SH3GL3: variants seen among roughly 807,000 people sequenced by gnomAD.
The protein encoded by SH3GL3 is endophilin-A3.
Under a neutral mutation model 47.7 loss-of-function variants are expected in SH3GL3, and 33 were observed. That is an observed-to-expected ratio of 0.69 (90% CI 0.52 to 0.92). The LOEUF (loss-of-function observed/expected upper bound fraction) is 0.92. SH3GL3 is among the 40% of genes least tolerant of loss of function. The pLI is 0.00. For synonymous variants in SH3GL3, 155 were observed against 148.8 expected, an observed-to-expected ratio of 1.04 and a Z score of -0.30; for missense variants, 363 against 417.8, an observed-to-expected ratio of 0.87 and a Z score of 1.14.
chr15:83,542,054 C>T (rs2044192440), intron 1 of SH3GL3, among the ~76,000 whole-genome samples: 1 of 152,162 alleles, frequency 6.6e-6, no homozygotes, highest in Non-Finnish European at 1.5e-5. Context: ...AAATCAGTGT[C>T]CTGGAGAGTT....
chr15:83,447,630 C>A lies in SH3GL3; in HGVS notation c.45+52C>A, dbSNP rs1028118717. ...GGGAGGGGGACGCGGAGGCTGCGGC[C>A]CCCCGAGGCTCCCGGGCCTTTGGGA... On this transcript the variant is annotated intron_variant, in intron 1 of 8. Transcript: ENST00000427482. The surrounding 1 kb of genome is among the most constrained non-coding windows in gnomAD (Gnocchi z 5.1). 22 of 1,337,676 alleles carry A rather than the reference C, an allele frequency of 1.6e-5. No individual in the cohort carries two copies. Among genetic ancestry groups the A allele is most frequent in the Non-Finnish European group, 2.0e-5 (20 of 991,990 alleles). The allele number at this position is 1,337,676 out of a possible 1,614,324, so 82.9% of individuals were successfully genotyped here. A position where few individuals can be genotyped will look rare whatever the true frequency, so the allele number is the denominator to read the frequency against.
At chr15:83,617,792 G>A (rs77203805) in intron 8 of SH3GL3, among the ~76,000 whole-genome samples, 14,041 of 152,242 alleles carry the variant, frequency 0.092, 877 homozygotes, top group East Asian at 0.21. Context: ...GCTCCCTTAG[G>A]GCTCCAGGTG....
chr15:83,551,341 C>T (rs1273519860), intron 1 of SH3GL3, among the ~76,000 whole-genome samples: 1 of 152,036 alleles, frequency 6.6e-6, no homozygotes, highest in Non-Finnish European at 1.5e-5. Context: ...GAGTAGCCAC[C>T]CATTTGTATT....
Position 83,568,563 on chromosome 15 carries a change from G to A in SH3GL3, c.222G>A (p.Val74=). The A allele has an allele frequency of 6.2e-7, 1 of 1,613,592 alleles. No individual in the cohort carries two copies. Among genetic ancestry groups the A allele is most frequent in the Non-Finnish European group, 8.5e-7 (1 of 1,179,516 alleles). ...CTAAGCTAGGAATGCTGAACACTGT[G>A]TCGAAGATCCGAGGGCAGGTGAAGA... ...YRAKLGMLNT[V]SKIRGQVKTT... The change falls in exon 4 of 9, where the codon GTG becomes GTA. Residue 74 remains valine (V), a synonymous_variant. Transcript: ENST00000427482.
At chr15:83,620,277 A>C (rs1223429750), downstream of SH3GL3, among the ~76,000 whole-genome samples, 1 of 152,196 alleles carries the variant, frequency 6.6e-6, no homozygotes, top group Non-Finnish European at 1.5e-5. Flanking sequence ...TCCTCCCATG[A>C]ATCACAAATG....
chr15:83,504,144 C>T (rs1015397633), intron 1 of SH3GL3, among the ~76,000 whole-genome samples: 7 of 152,100 alleles, frequency 4.6e-5, no homozygotes, highest in South Asian at 2.1e-4. Context: ...TTTCTTTTTA[C>T]GTTTTTATTG....
At chr15:83,616,870 A>C (rs1451795090) in intron 8 of SH3GL3, among the ~76,000 whole-genome samples, 1 of 152,148 alleles carries the variant, frequency 6.6e-6, no homozygotes, top group African/African-American at 2.4e-5. Flanking sequence ...GAAAAGAAAG[A>C]AGAACCGTAA....
At chr15:83,615,825 A>G (rs1156696205) in intron 8 of SH3GL3, among the ~76,000 whole-genome samples, 1 of 152,232 alleles carries the variant, frequency 6.6e-6, no homozygotes, top group East Asian at 1.9e-4. Flanking sequence ...ATTAAATATA[A>G]TAGATATTTA....
At chr15:83,460,569 CT>C (rs1270747608) in intron 1 of SH3GL3, among the ~76,000 whole-genome samples, 1 of 152,052 alleles carries the variant, frequency 6.6e-6, no homozygotes, top group Non-Finnish European at 1.5e-5. Flanking sequence ...GGAAACAGAA[CT>C]TTCATGTTTT....
At chr15:83,534,788 A>G (rs1391839729) in intron 1 of SH3GL3, among the ~76,000 whole-genome samples, 4 of 152,194 alleles carry the variant, frequency 2.6e-5, no homozygotes, top group South Asian at 2.1e-4. Flanking sequence ...CAAATACCAT[A>G]CTTAGCTTGA....
In SH3GL3 at chr15:83,447,454, C is replaced by G; in HGVS notation, c.-80C>G. The stretch of plus-strand genomic sequence containing the variant: ...CCAGCCGCGGGGGGACCGGCCCGGG[C>G]TCCCGCTCCCCGAGCGCGTCGCGGC... On this transcript the variant is annotated 5_prime_UTR_variant, in exon 1 of 9. Coordinates refer to ENST00000427482, the MANE Select transcript of SH3GL3 (RefSeq NM_003027.5). This position sits in a 1 kb window ranked among gnomAD's most constrained non-coding sequence, Gnocchi z 5.1. 7.9e-7 allele frequency: 1 copy of G among 1,272,138 alleles called. No homozygotes were observed. Among genetic ancestry groups the G allele is most frequent in the Non-Finnish European group, 1.0e-6 (1 of 976,328 alleles). The allele number at this position is 1,272,138 out of a possible 1,614,324, so 78.8% of individuals were successfully genotyped here.
chr15:83,536,310 G>T (rs886587891), intron 1 of SH3GL3, among the ~76,000 whole-genome samples: 1 of 152,144 alleles, frequency 6.6e-6, no homozygotes, highest in African/African-American at 2.4e-5. Context: ...AGCCAAGACT[G>T]GGTGGGGCCA....
intron 1 of SH3GL3, among the ~76,000 whole-genome samples, chr15:83,520,056 G>A (rs2043141221): frequency 6.6e-6 from 1 of 152,154 alleles, no homozygotes. Flanking sequence ...GCATCTTCTT[G>A]TGCCAGTTCC....
chr15:83,546,364 C>G (rs1053300110), intron 1 of SH3GL3, among the ~76,000 whole-genome samples: 1 of 151,482 alleles, frequency 6.6e-6, no homozygotes, highest in Admixed American at 6.6e-5. Context: ...TATTCAAGGC[C>G]CAAGGGGTCT....
chr15:83,464,732 GC>G (rs2040481080), intron 1 of SH3GL3, among the ~76,000 whole-genome samples: 1 of 151,982 alleles, frequency 6.6e-6, no homozygotes, highest in Non-Finnish European at 1.5e-5. Flanking sequence ...ACAACCGTTT[GC>G]TTTTCTCCAT....
intron 8 of SH3GL3, among the ~76,000 whole-genome samples, chr15:83,607,112 G>GT (rs2060537089): frequency 6.6e-6 from 1 of 152,108 alleles, no homozygotes; most frequent in Non-Finnish European, 1.5e-5. Flanking sequence ...TTGAAAAGCC[G>GT]TAAGACATAA....
rs144176248 is a variant in SH3GL3 at position 83,484,313 on chromosome 15, G to A, written c.45+36735G>A. On this transcript the variant is annotated intron_variant, in intron 1 of 8. Transcript: ENST00000427482. ...TTGCCTATTATTTATTGAGGAAATC[G>A]TACTATTGACACAGTGGTATGTCTG... 1.5e-4 allele frequency among the ~76,000 whole-genome samples: 23 copies of A among 152,182 alleles called. No individual in the cohort carries two copies. The South Asian group carries it at 1.7e-3, about 11-fold the overall frequency.
rs185688075 is a variant in SH3GL3, at chr15:83,597,768, C to T, written c.838+8997C>T. On this transcript the variant is annotated intron_variant, in intron 8 of 8. Transcript: ENST00000427482. ...GGGATTACAGGTGCCTGCCACCGTA[C>T]CTGGCTAATTTTTGTATTTTTAGTA... 4.8e-4 allele frequency among the ~76,000 whole-genome samples: 73 copies of T among 152,122 alleles called. No individual in the cohort carries two copies. In the East Asian group the frequency reaches 0.013, roughly 28 times the overall value.
At chr15:83,556,957 G>C (rs1000143423) in intron 1 of SH3GL3, among the ~76,000 whole-genome samples, 13 of 152,190 alleles carry the variant, frequency 8.5e-5, no homozygotes, top group Admixed American at 7.2e-4. Context: ...GCCCAGACTT[G>C]GTCAGGTGGA....
Sources: gnomAD v4.1 joint callset for allele counts (sites outside exome capture counted in the v4.1 genomes callset) on GRCh38, gnomAD v4.1.1 for gene constraint, Gnocchi (gnomAD v3.1) non-coding constraint, MANE v1.5 for transcripts, NCBI Gene and HGNC (gene_info 2026-07-23, HGNC 2026-07-21) for gene names.